The following RELN variants were observed in gnomAD, a reference collection of about 807,000 sequenced individuals.
RELN encodes reelin.
In RELN, 108 loss-of-function variants were observed where a neutral mutation model predicts 427.6. The observed-to-expected ratio is 0.25, with a 90% CI of 0.22 to 0.30. RELN has a LOEUF of 0.30. RELN is among the 10% of genes least tolerant of loss of function. RELN has a pLI of 1.00. For missense variants in RELN, 3,715 were observed against 4,302.8 expected (o/e 0.86, Z 3.82); for synonymous variants, 1,524 against 1,513.4 (o/e 1.01, Z -0.16).
chr7:103,525,695 G>GT (rs76372202), intron 46 of RELN, among the ~76,000 whole-genome samples: 5,304 of 138,960 alleles, frequency 0.038, 282 homozygotes, highest in African/African-American at 0.12. Context: ...TATTCATTCT[G>GT]TTTTTTTTTT....
At chr7:103,717,430 A>G (rs1054667877) in intron 8 of RELN, among the ~76,000 whole-genome samples, 2 of 151,386 alleles carry the variant, frequency 1.3e-5, no homozygotes, top group African/African-American at 4.8e-5. Flanking sequence ...TCAGTTTCAC[A>G]CCTTTACTTA....
intron 6 of RELN, among the ~76,000 whole-genome samples, chr7:103,733,417 T>G (rs555317122): frequency 7.5e-6 from 1 of 133,476 alleles, no homozygotes; most frequent in East Asian, 2.1e-4. Context: ...AAATACCATT[T>G]GACCCAGCCA....
chr7:103,820,117 G>A (rs1453721725), intron 3 of RELN, among the ~76,000 whole-genome samples: 5 of 151,790 alleles, frequency 3.3e-5, no homozygotes, highest in African/African-American at 1.2e-4. Flanking sequence ...TATAAATAAG[G>A]AAGTCTGAAA....
intron 3 of RELN, among the ~76,000 whole-genome samples, chr7:103,823,568 C>G (rs958924298): frequency 6.6e-6 from 1 of 151,974 alleles, no homozygotes; most frequent in African/African-American, 2.4e-5. Flanking sequence ...CATTTGAAAA[C>G]TTTAATACTG....
intron 30 of RELN, among the ~76,000 whole-genome samples, chr7:103,572,700 C>T (rs1031099698): frequency 2.6e-5 from 4 of 151,832 alleles, no homozygotes; most frequent in African/African-American, 9.7e-5. Context: ...CCACGCCTGG[C>T]TAATTTCCTT....
intron 10 of RELN, among the ~76,000 whole-genome samples, chr7:103,688,572 T>G (rs74735448): frequency 0.019 from 2,919 of 152,216 alleles, 106 homozygotes; most frequent in African/African-American, 0.067. Context: ...CTTAGATTTT[T>G]TTCATTAGCT....
intron 2 of RELN, among the ~76,000 whole-genome samples, chr7:103,888,106 A>G (rs1794763863): frequency 6.6e-6 from 1 of 152,136 alleles, no homozygotes; most frequent in African/African-American, 2.4e-5. Flanking sequence ...AACCCTGGAC[A>G]TCATGGGAGT....
At chr7:103,614,007 C>G (rs540795807) in intron 20 of RELN, among the ~76,000 whole-genome samples, 2 of 152,012 alleles carry the variant, frequency 1.3e-5, no homozygotes, top group African/African-American at 4.8e-5. Flanking sequence ...AATGTAACTA[C>G]GAAATTGGCT....
At chr7:103,881,143 T>C (rs1317676800) in intron 2 of RELN, among the ~76,000 whole-genome samples, 1 of 152,182 alleles carries the variant, frequency 6.6e-6, no homozygotes, top group African/African-American at 2.4e-5. Flanking sequence ...CTACCACCTA[T>C]TAAGTGCTCT....
At chr7:103,606,699 A>G (rs1170508295) in intron 22 of RELN, among the ~76,000 whole-genome samples, 1 of 152,216 alleles carries the variant, frequency 6.6e-6, no homozygotes, top group Non-Finnish European at 1.5e-5. Flanking sequence ...CTTAGGTTAC[A>G]TAGTTTATGT....
At chr7:103,831,363 C>T (rs916429160) in intron 3 of RELN, among the ~76,000 whole-genome samples, 7 of 151,994 alleles carry the variant, frequency 4.6e-5, no homozygotes, top group African/African-American at 1.7e-4. Context: ...TCCTTGACAT[C>T]TTACATATAA....
intron 1 of RELN, among the ~76,000 whole-genome samples, chr7:103,924,033 T>G (rs986501432): frequency 1.3e-5 from 2 of 152,190 alleles, no homozygotes; most frequent in African/African-American, 2.4e-5. Context: ...AACTAGCATG[T>G]GAAAGGTAGC....
intron 46 of RELN, among the ~76,000 whole-genome samples, chr7:103,529,168 C>T (rs1829887153): frequency 6.6e-6 from 1 of 152,044 alleles, no homozygotes; most frequent in Admixed American, 6.5e-5. Flanking sequence ...AATTTGTTTA[C>T]CTGAAAGTGT....
chr7:103,607,209 C>T (rs1458205594), intron 22 of RELN, among the ~76,000 whole-genome samples: 2 of 151,690 alleles, frequency 1.3e-5, no homozygotes, highest in Admixed American at 6.6e-5. Flanking sequence ...CAAACCTGCA[C>T]GTTGTGCACA....
chr7:103,668,081 T>G (rs565806976), intron 11 of RELN, among the ~76,000 whole-genome samples: 32 of 152,040 alleles, frequency 2.1e-4, no homozygotes, highest in African/African-American at 6.5e-4. Context: ...AATACAAAAA[T>G]TAGCCGGGCA....
chr7:103,747,641 A>AT (rs1229516895), intron 6 of RELN, among the ~76,000 whole-genome samples: 3 of 109,810 alleles, frequency 2.7e-5, no homozygotes, highest in African/African-American at 1.3e-4. Context: ...CCCTACTCTC[A>AT]CTTTTTTTTT....
chr7:103,724,883 TATAA>T (rs1790166106), intron 7 of RELN, among the ~76,000 whole-genome samples: 1 of 151,832 alleles, frequency 6.6e-6, no homozygotes, highest in African/African-American at 2.4e-5. Context: ...ACTTGAGTAT[TATAA>T]ATAAATATAA....
chr7:103,498,774 G>A (rs867796365), intron 53 of RELN, among the ~76,000 whole-genome samples: 87 of 152,242 alleles, frequency 5.7e-4, no homozygotes, highest in Middle Eastern at 3.4e-3. Context: ...TTACAGGTGT[G>A]AGCCACCATG....
At chr7:103,497,772 G>T in intron 55 of RELN, 48 bp downstream of exon 55, 1 of 1,476,808 alleles carries the variant, frequency 6.8e-7, no homozygotes, top group Non-Finnish European at 9.5e-7. Flanking sequence ...GTGTTGGATG[G>T]AATTTGGGAA....
Sources: gnomAD v4.1 joint callset for allele counts (sites outside exome capture counted in the v4.1 genomes callset) on GRCh38, gnomAD v4.1.1 for gene constraint, MANE v1.5 for transcripts, NCBI Gene and HGNC (gene_info 2026-07-23, HGNC 2026-07-21) for gene names.